SPOPL: variants seen among roughly 807,000 people sequenced by gnomAD.
SPOPL encodes speckle-type POZ protein-like.
Under a neutral mutation model 53.8 loss-of-function variants are expected in SPOPL, and 23 were observed. That is an observed-to-expected ratio of 0.43 (90% CI 0.31 to 0.61). The LOEUF is 0.61. Among genes scored for constraint, SPOPL ranks in the 20% least tolerant of loss-of-function variants. The pLI, the probability that SPOPL is intolerant of heterozygous loss-of-function variation, is 0.12. For missense variants in SPOPL, 442 were observed against 466.9 expected, an observed-to-expected ratio of 0.95 and a Z score of 0.49; for synonymous variants, 164 against 149.7, an observed-to-expected ratio of 1.10 and a Z score of -0.70.
At chr2:138,510,802 A>C (rs866844827) in intron 1 of SPOPL, among the ~76,000 whole-genome samples, 1 of 152,146 alleles carries the variant, frequency 6.6e-6, no homozygotes, top group African/African-American at 2.4e-5. Flanking sequence ...GTAGTTTTTT[A>C]TAAGACAAAA....
intron 1 of SPOPL, among the ~76,000 whole-genome samples, chr2:138,547,200 A>C (rs1685214710): frequency 6.6e-6 from 1 of 152,140 alleles, no homozygotes; most frequent in African/African-American, 2.4e-5. Flanking sequence ...TCCTGGGCTC[A>C]AGTGATCCGC....
chr2:138,529,536 T>TGTGTGTGCGCGCG (rs72375808), intron 1 of SPOPL, among the ~76,000 whole-genome samples: 11 of 97,586 alleles, frequency 1.1e-4, no homozygotes, highest in African/African-American at 3.2e-4. Context: ...GTGTGTGTGT[T>TGTGTGTGCGCGCG]TGCGTGCGCG....
intron 4 of SPOPL, among the ~76,000 whole-genome samples, chr2:138,551,436 A>T (rs897269075): frequency 2.0e-5 from 3 of 151,990 alleles, no homozygotes; most frequent in Non-Finnish European, 4.4e-5. Flanking sequence ...TGAGAAAGAG[A>T]TAGAGTGCCC....
At chr2:138,532,944 C>G (rs1432233363) in intron 1 of SPOPL, among the ~76,000 whole-genome samples, 1 of 152,168 alleles carries the variant, frequency 6.6e-6, no homozygotes, top group Non-Finnish European at 1.5e-5. Context: ...TCCCCAGAAG[C>G]AGAACATCCC....
At chr2:138,533,894 C>T (rs750522241) in intron 1 of SPOPL, among the ~76,000 whole-genome samples, 3 of 152,054 alleles carry the variant, frequency 2.0e-5, no homozygotes, top group Non-Finnish European at 4.4e-5. Context: ...AAGCTACCTC[C>T]TAGAAGATGA....
Position 138,518,189 on chromosome 2 carries a change from A to C in SPOPL, c.-61+16070A>C, listed in dbSNP as rs555771082. Among the ~76,000 whole-genome samples the C allele has an allele frequency of 8.3e-4, 126 of 152,208 alleles. 2 individuals carry two copies. In the South Asian group the frequency reaches 0.023, roughly 28 times the overall value. On this transcript the variant is annotated intron_variant, in intron 1 of 10. Coordinates refer to ENST00000280098, the MANE Select transcript of SPOPL (RefSeq NM_001001664.3). ...AAACTTTGGAAGTGGCGGAAGCTTT[A>C]ATAAAATGTTTAGCCAAATTGTTCT...
chr2:138,556,527 C>G (rs1035932869), intron 5 of SPOPL, among the ~76,000 whole-genome samples: 2 of 152,118 alleles, frequency 1.3e-5, no homozygotes, highest in South Asian at 2.1e-4. Context: ...CTGTTAGGGT[C>G]TAAAGACCTG....
At chr2:138,516,294 A>G (rs1684436375) in intron 1 of SPOPL, among the ~76,000 whole-genome samples, 1 of 152,184 alleles carries the variant, frequency 6.6e-6, no homozygotes, top group African/African-American at 2.4e-5. Flanking sequence ...AGGTTTGACG[A>G]GGAAGGAAGT....
At chr2:138,512,568 G>C (rs994276780) in intron 1 of SPOPL, among the ~76,000 whole-genome samples, 2 of 151,932 alleles carry the variant, frequency 1.3e-5, no homozygotes, top group African/African-American at 4.8e-5. Flanking sequence ...TGATTTTGTT[G>C]GTTCACCTTG....
chr2:138,535,882 A>AT (rs1158042359), intron 1 of SPOPL, among the ~76,000 whole-genome samples: 8 of 151,920 alleles, frequency 5.3e-5, no homozygotes, highest in African/African-American at 1.9e-4. Flanking sequence ...AAGTTCACTA[A>AT]TTCTTCTATT....
At chr2:138,506,172 G>T (rs1238731425) in intron 1 of SPOPL, among the ~76,000 whole-genome samples, 3 of 152,238 alleles carry the variant, frequency 2.0e-5, no homozygotes, top group African/African-American at 7.2e-5. Context: ...AAAGAGGCAA[G>T]TGTAAATACA....
At chr2:138,512,799 T>TCACAAGTA (rs1684355213) in intron 1 of SPOPL, among the ~76,000 whole-genome samples, 1 of 152,222 alleles carries the variant, frequency 6.6e-6, no homozygotes, top group Admixed American at 6.5e-5. Flanking sequence ...ATTGACTGAC[T>TCACAAGTA]GTTAAATACC....
At chr2:138,534,720 CT>C in intron 1 of SPOPL, among the ~76,000 whole-genome samples, 1 of 152,236 alleles carries the variant, frequency 6.6e-6, no homozygotes, top group South Asian at 2.1e-4. Context: ...TTCCAGAACA[CT>C]TTTATCAGTC....
chr2:138,567,104 A>G (rs1400336269), intron 10 of SPOPL, among the ~76,000 whole-genome samples: 1 of 152,180 alleles, frequency 6.6e-6, no homozygotes, highest in African/African-American at 2.4e-5. Context: ...TGAGCATGAC[A>G]TATATTTTCC....
intron 1 of SPOPL, among the ~76,000 whole-genome samples, chr2:138,525,663 A>AAAAAAAAAAAAAAAAC (rs1558865850): frequency 1.5e-5 from 2 of 130,482 alleles, no homozygotes; most frequent in African/African-American, 5.7e-5. Flanking sequence ...GTAGAAAAAA[A>AAAAAAAAAAAAAAAAC]AAAAAAAAAA....
rs112594053 is a variant in SPOPL at position 138,535,671 on chromosome 2, T to A, written c.-60-14486T>A. Among the ~76,000 whole-genome samples the A allele has an allele frequency of 6.3e-3, 956 of 152,060 alleles. 5 individuals carry two copies. Among genetic ancestry groups the A allele is most frequent in the African/African-American group, 0.022 (914 of 41,480 alleles). ...TTGAGCTCCTTAAATGTGTATATTA[T>A]TGCTTTTCAATAAATTTGAGAAGTT... On this transcript the variant is annotated intron_variant, in intron 1 of 10. Coordinates refer to ENST00000280098, the MANE Select transcript of SPOPL (RefSeq NM_001001664.3).
At chr2:138,534,558 T>A (rs2104876484) in intron 1 of SPOPL, among the ~76,000 whole-genome samples, 1 of 152,344 alleles carries the variant, frequency 6.6e-6, no homozygotes, top group East Asian at 1.9e-4. Flanking sequence ...AATGTGTATA[T>A]ATGTGCATAT....
chr2:138,503,333 A>G lies in SPOPL; in HGVS notation c.-61+1214A>G, dbSNP rs368381714. ...CTTACAGCTGTAAAATGGGGTTATG[A>G]TATGACATCACAGGATGGTGCTAGT... is the stretch of plus-strand genomic sequence containing the variant. On this transcript the variant is annotated intron_variant, in intron 1 of 10. Coordinates refer to ENST00000280098, the MANE Select transcript of SPOPL (RefSeq NM_001001664.3). Among the ~76,000 whole-genome samples the G allele has an allele frequency of 4.6e-5, 7 of 152,280 alleles. No homozygotes were observed. In the South Asian group the frequency reaches 1.5e-3, roughly 32 times the overall value.
rs1190955600 is a variant in SPOPL, at chr2:138,502,046, G to C, written c.-134G>C. 7 of 152,806 alleles carry C rather than the reference G, an allele frequency of 4.6e-5. No homozygotes were observed. Among genetic ancestry groups the C allele is most frequent in the Admixed American group, 4.6e-4 (7 of 15,292 alleles). 9.5% of individuals were successfully genotyped at this position (152,806 alleles called of 1,614,324 possible). A position where few individuals can be genotyped will look rare whatever the true frequency, so the allele number is the denominator to read the frequency against. ...CCACCACCGCAGCCTCGGGCTCCCAGGGCGGACACGGCCACCGCCTCAGCG... is the reference window on the plus strand; with the variant it reads ...CCACCACCGCAGCCTCGGGCTCCCACGGCGGACACGGCCACCGCCTCAGCG... On this transcript the variant is annotated 5_prime_UTR_variant, in exon 1 of 11. Coordinates refer to ENST00000280098, the MANE Select transcript of SPOPL (RefSeq NM_001001664.3).
Sources: allele counts gnomAD v4.1 joint callset (sites outside exome capture counted in the v4.1 genomes callset), GRCh38; gene constraint gnomAD v4.1.1; transcripts MANE v1.5; gene names NCBI Gene and HGNC (gene_info 2026-07-23, HGNC 2026-07-21).